The following PEBP4 variants were observed in gnomAD, a reference collection of about 807,000 sequenced individuals.
The protein encoded by PEBP4 is phosphatidylethanolamine binding protein 4, also known as phosphatidylethanolamine-binding protein 4.
In PEBP4, 22 loss-of-function variants were observed where a neutral mutation model predicts 23.9. The ratio of observed to expected loss-of-function variants is 0.92; its 90% CI spans 0.66 to 1.31. The LOEUF (loss-of-function observed/expected upper bound fraction) is 1.31, where lower values mean the gene tolerates loss of function less well. Among genes scored for constraint, PEBP4 ranks in the 40% most tolerant of loss-of-function variants. The probability of loss-of-function intolerance (pLI) is 0.00; values close to 1 mark genes in which losing one functional copy is unlikely to be tolerated. For synonymous variants in PEBP4, 112 were observed against 99.3 expected (o/e 1.13, Z -0.76); for missense variants, 324 against 281.7 (o/e 1.15, Z -1.07).
chr8:22,806,381 C>G (rs1033002734), intron 4 of PEBP4, among the ~76,000 whole-genome samples: 5 of 152,126 alleles, frequency 3.3e-5, no homozygotes, highest in Non-Finnish European at 5.9e-5. Flanking sequence ...CTTTGGGAGG[C>G]TGAGGCGGGC....
chr8:22,907,426 C>T (rs1489044008), intron 3 of PEBP4, among the ~76,000 whole-genome samples: 1 of 152,158 alleles, frequency 6.6e-6, no homozygotes, highest in Non-Finnish European at 1.5e-5. Context: ...ACAGGAGAAT[C>T]ACTTGAACCC....
intron 4 of PEBP4, among the ~76,000 whole-genome samples, chr8:22,738,281 C>T (rs1164140583): frequency 6.6e-6 from 1 of 152,196 alleles, no homozygotes; most frequent in East Asian, 1.9e-4. Context: ...GACACATGAT[C>T]CCACAGACAG....
intron 3 of PEBP4, among the ~76,000 whole-genome samples, chr8:22,867,265 A>G (rs553786536): frequency 1.6e-4 from 25 of 152,314 alleles, no homozygotes; most frequent in African/African-American, 5.5e-4. Context: ...CTCTGTCAAC[A>G]TATTTGGGTC....
chr8:22,764,554 T>C (rs971873291), intron 4 of PEBP4, among the ~76,000 whole-genome samples: 5 of 152,162 alleles, frequency 3.3e-5, no homozygotes, highest in Non-Finnish European at 7.3e-5. Flanking sequence ...CCTTTATGTA[T>C]ATATATATTA....
At chr8:22,781,299 C>T (rs1391581326) in intron 4 of PEBP4, among the ~76,000 whole-genome samples, 2 of 150,782 alleles carry the variant, frequency 1.3e-5, no homozygotes, top group Non-Finnish European at 3.0e-5. Context: ...CCGGGAGAGC[C>T]GGAGGGGGAA....
chr8:22,912,711 A>C (rs1454650267), intron 3 of PEBP4, among the ~76,000 whole-genome samples: 3 of 152,200 alleles, frequency 2.0e-5, no homozygotes, highest in African/African-American at 7.2e-5. Context: ...CAAAGGTTAG[A>C]AATGCTGACA....
At chr8:22,913,270 G>T (rs1256424447) in intron 3 of PEBP4, among the ~76,000 whole-genome samples, 1 of 152,120 alleles carries the variant, frequency 6.6e-6, no homozygotes, top group Non-Finnish European at 1.5e-5. Flanking sequence ...GAACGATCCA[G>T]ATCCAGTGGC....
chr8:22,743,921 T>A (rs934394461), intron 4 of PEBP4, among the ~76,000 whole-genome samples: 1 of 152,182 alleles, frequency 6.6e-6, no homozygotes, highest in Non-Finnish European at 1.5e-5. Context: ...TTGTGAGGTC[T>A]CCCTGCTCAC....
chr8:22,877,563 G>T (rs1808147672), intron 3 of PEBP4, among the ~76,000 whole-genome samples: 1 of 152,328 alleles, frequency 6.6e-6, no homozygotes, highest in Middle Eastern at 3.4e-3. Context: ...GAGGCCAGCA[G>T]CTTGTGAACA....
chr8:22,849,650 G>A (rs1563236563), intron 3 of PEBP4, among the ~76,000 whole-genome samples: 1 of 152,226 alleles, frequency 6.6e-6, no homozygotes, highest in Non-Finnish European at 1.5e-5. Context: ...CAGTGCTGCT[G>A]TCGCATTCTC....
At chr8:22,758,799 T>C (rs914981417) in intron 4 of PEBP4, among the ~76,000 whole-genome samples, 3 of 152,230 alleles carry the variant, frequency 2.0e-5, no homozygotes, top group South Asian at 2.1e-4. Context: ...GTCCGCAGTA[T>C]GGTGGGGTGG....
chr8:22,727,222 T>A lies in PEBP4; in HGVS notation c.358-2A>T. 1 of 1,613,540 alleles carries A rather than the reference T, an allele frequency of 6.2e-7. No individual in the cohort carries two copies. Among genetic ancestry groups the A allele is most frequent in the Non-Finnish European group, 8.5e-7 (1 of 1,179,870 alleles). Reference sequence around the variant, plus strand: ...CTTCCCTTTCTTCAGGTCGGCGCCCTGAAAGAAGAGACAAGCAGGGCTGTA... The same window carrying A: ...CTTCCCTTTCTTCAGGTCGGCGCCCAGAAAGAAGAGACAAGCAGGGCTGTA... On this transcript the variant is annotated splice_acceptor_variant, in intron 4 of 6. Coordinates refer to ENST00000256404, the MANE Select transcript of PEBP4 (RefSeq NM_144962.3). LOFTEE classifies it high-confidence loss of function.
rs375523462 is a variant in PEBP4, at chr8:22,835,534, G to T, written c.259-17799C>A. 2.8e-4 allele frequency among the ~76,000 whole-genome samples: 42 copies of T among 152,302 alleles called. 1 individual carries two copies. Among genetic ancestry groups the T allele is most frequent in the African/African-American group, 9.9e-4 (41 of 41,566 alleles). On this transcript the variant is annotated intron_variant, in intron 3 of 6. Coordinates refer to ENST00000256404, the MANE Select transcript of PEBP4 (RefSeq NM_144962.3). Reference sequence around the variant, plus strand: ...CCTCTGGTCCTGTCCATGTCCCCAGGGGGTATTAAGCTCACCTGGGAATGG... The same window carrying T: ...CCTCTGGTCCTGTCCATGTCCCCAGTGGGTATTAAGCTCACCTGGGAATGG...
chr8:22,770,971 C>G (rs7814740), intron 4 of PEBP4, among the ~76,000 whole-genome samples: 2,739 of 152,340 alleles, frequency 0.018, 84 homozygotes, highest in African/African-American at 0.063. Context: ...TACTTCTCAA[C>G]TCACTCACTC....
chr8:22,817,805 C>G, intron 3 of PEBP4, 70 bp from the exon 4 acceptor site: 1 of 1,374,260 alleles, frequency 7.3e-7, no homozygotes. Flanking sequence ...GGGCAGACCT[C>G]CTTTTCCCGC....
rs948658709 is a variant in PEBP4, at chr8:22,770,552, G to A, written c.358-43332C>T. On this transcript the variant is annotated intron_variant, in intron 4 of 6. Coordinates refer to ENST00000256404, the MANE Select transcript of PEBP4 (RefSeq NM_144962.3). ...ATCTCTGGGTGGGTTGGGGTCTGGGGTGAATGGGAGAGGGCCTGCGCTGGC... is the reference window on the plus strand; with the variant it reads ...ATCTCTGGGTGGGTTGGGGTCTGGGATGAATGGGAGAGGGCCTGCGCTGGC... Among the ~76,000 whole-genome samples the A allele has an allele frequency of 2.0e-5, 3 of 152,222 alleles. No individual in the cohort carries two copies. In the East Asian group the frequency reaches 5.8e-4, roughly 29 times the overall value.
At chr8:22,864,947 T>G (rs1268238291) in intron 3 of PEBP4, among the ~76,000 whole-genome samples, 1 of 151,982 alleles carries the variant, frequency 6.6e-6, no homozygotes, top group Admixed American at 6.6e-5. Flanking sequence ...TGGACCCCGA[T>G]GAGGCCCCTT....
At chr8:22,801,305 C>T (rs1301177690) in intron 4 of PEBP4, among the ~76,000 whole-genome samples, 1 of 152,104 alleles carries the variant, frequency 6.6e-6, no homozygotes, top group Admixed American at 6.5e-5. Context: ...CTTTTATAGA[C>T]TGGGGCTCAC....
chr8:22,858,590 A>T (rs1438040507), intron 3 of PEBP4, among the ~76,000 whole-genome samples: 2 of 152,196 alleles, frequency 1.3e-5, no homozygotes, highest in African/African-American at 4.8e-5. Flanking sequence ...AATTAGACTC[A>T]TCTTAGAGAT....
Sources: gnomAD v4.1 joint callset for allele counts (sites outside exome capture counted in the v4.1 genomes callset) on GRCh38, gnomAD v4.1.1 for gene constraint, MANE v1.5 for transcripts, NCBI Gene and HGNC (gene_info 2026-07-23, HGNC 2026-07-21) for gene names.